The following CEMIP variants were observed in gnomAD, a reference collection of about 807,000 sequenced individuals.
CEMIP encodes cell migration-inducing and hyaluronan-binding protein.
Under a neutral mutation model 156.9 loss-of-function variants are expected in CEMIP, and 105 were observed. That is an observed-to-expected ratio of 0.67 (90% CI 0.57 to 0.79). CEMIP has a LOEUF of 0.79. Among genes scored for constraint, CEMIP ranks in the 30% least tolerant of loss-of-function variants. The pLI is 0.00. For missense variants in CEMIP, 1,457 were observed against 1,769.4 expected (o/e 0.82, Z 3.17); for synonymous variants, 676 against 668.4 (o/e 1.01, Z -0.17).
At chr15:80,938,372 C>T (rs1396307025) in intron 25 of CEMIP, among the ~76,000 whole-genome samples, 4 of 151,964 alleles carry the variant, frequency 2.6e-5, no homozygotes, top group Admixed American at 2.6e-4. Flanking sequence ...TTTGGGAGGC[C>T]GAGGTGGGTG....
At chr15:80,904,977 A>C (rs990457325) in intron 12 of CEMIP, among the ~76,000 whole-genome samples, 2 of 152,164 alleles carry the variant, frequency 1.3e-5, no homozygotes, top group Non-Finnish European at 2.9e-5. Context: ...TTCAAAAAAA[A>C]CCCCACAATC....
intron 1 of CEMIP, among the ~76,000 whole-genome samples, chr15:80,807,009 T>C (rs1029204634): frequency 6.6e-6 from 1 of 152,124 alleles, no homozygotes; most frequent in Non-Finnish European, 1.5e-5. Context: ...ACACAAGAAA[T>C]AGTGCATGGA....
chr15:80,907,333 C>T (rs573662981), intron 13 of CEMIP, among the ~76,000 whole-genome samples: 10 of 152,326 alleles, frequency 6.6e-5, no homozygotes, highest in South Asian at 4.1e-4. Flanking sequence ...GGAGCCAAGG[C>T]GGGTGGATCA....
At chr15:80,941,255 A>G (rs987679172) in intron 25 of CEMIP, among the ~76,000 whole-genome samples, 2 of 152,212 alleles carry the variant, frequency 1.3e-5, no homozygotes, top group African/African-American at 4.8e-5. Flanking sequence ...GCACTAAAAG[A>G]ACAATAATGA....
chr15:80,877,817 G>A (rs1051437845), intron 3 of CEMIP, among the ~76,000 whole-genome samples: 12 of 152,232 alleles, frequency 7.9e-5, no homozygotes, highest in African/African-American at 2.7e-4. Flanking sequence ...GTGACCACAT[G>A]TCACACTGGT....
intron 14 of CEMIP, among the ~76,000 whole-genome samples, chr15:80,910,107 G>A (rs965005814): frequency 6.6e-5 from 10 of 152,182 alleles, no homozygotes; most frequent in Non-Finnish European, 1.5e-5. Context: ...CCAGCTACAC[G>A]ATGTGTTTTG....
chr15:80,865,091 GTGA>G, intron 1 of CEMIP, among the ~76,000 whole-genome samples: 1 of 152,330 alleles, frequency 6.6e-6, no homozygotes, highest in South Asian at 2.1e-4. Context: ...TCCTCAACCT[GTGA>G]TGTCCAATGT....
intron 12 of CEMIP, 180 bp downstream of exon 12, chr15:80,896,240 G>A (rs538920031): frequency 5.4e-6 from 4 of 736,446 alleles, no homozygotes; most frequent in African/African-American, 1.7e-5. Context: ...TCTGCAGGTT[G>A]TCTAGGGATC....
rs749792234 is a variant in CEMIP, at chr15:80,948,949, T to C, written c.*25T>C. On this transcript the variant is annotated 3_prime_UTR_variant, in exon 30 of 30. Coordinates refer to ENST00000394685, the MANE Select transcript of CEMIP (RefSeq NM_001293298.2). Reference sequence around the variant, plus strand: ...AGGACAGCTGCCGCCCGGTGCCACCTCGTGGTAGACTATGACGGTGACTCT... The same window carrying C: ...AGGACAGCTGCCGCCCGGTGCCACCCCGTGGTAGACTATGACGGTGACTCT... 3.1e-6 allele frequency: 5 copies of C among 1,613,928 alleles called. No individual in the cohort carries two copies. The highest frequency in any genetic ancestry group is 4.2e-6 in the Non-Finnish European group (5 of 1,179,934).
In CEMIP at chr15:80,937,883, C is replaced by T. The variant is rs376164357; in HGVS notation, c.3311C>T (p.Thr1104Met). Reference sequence around the variant, plus strand: ...GTTCACAATCGCCTGCTGAAGCAAACGTCCAAGACGGGCGTCTTCGTGAGG... The same window carrying T: ...GTTCACAATCGCCTGCTGAAGCAAATGTCCAAGACGGGCGTCTTCGTGAGG... The part of the protein sequence containing the change: ...SDVHNRLLKQ[T>M]SKTGVFVRTL... The change falls in exon 25 of 30, where the codon ACG becomes ATG. Residue 1104 changes from threonine (T) to methionine (M), a missense_variant. Physicochemically the swap from Thr to Met is moderately conservative, Grantham distance 81. This residue lies in a region of CEMIP where 798 missense variants were observed against 980.1 expected (regional missense o/e 0.81). Coordinates refer to ENST00000394685, the MANE Select transcript of CEMIP (RefSeq NM_001293298.2). 20 of 1,614,104 alleles carry T rather than the reference C, an allele frequency of 1.2e-5. No homozygotes were observed. Among genetic ancestry groups the T allele is most frequent in the Non-Finnish European group, 1.4e-5 (17 of 1,180,036 alleles).
At chr15:80,824,088 G>A (rs901400171) in intron 1 of CEMIP, among the ~76,000 whole-genome samples, 33 of 152,172 alleles carry the variant, frequency 2.2e-4, no homozygotes, top group Admixed American at 6.5e-4. Flanking sequence ...CTTTAGCCTG[G>A]GACAGCAATT....
At chr15:80,833,330 C>A (rs926905745) in intron 1 of CEMIP, among the ~76,000 whole-genome samples, 1 of 152,124 alleles carries the variant, frequency 6.6e-6, no homozygotes, top group Admixed American at 6.5e-5. Flanking sequence ...TTGCACCCAA[C>A]CCCTGTAGGC....
chr15:80,804,466 G>T (rs529791513), intron 1 of CEMIP, among the ~76,000 whole-genome samples: 2 of 152,288 alleles, frequency 1.3e-5, no homozygotes, highest in South Asian at 4.1e-4. Context: ...ATACCATGTG[G>T]CCATGTGACC....
rs539409906 is a variant in CEMIP at position 80,936,587 on chromosome 15, C to T, written c.3010-87C>T. 1.1e-4 allele frequency: 130 copies of T among 1,173,974 alleles called. 2 individuals are homozygous for T. In the South Asian group the frequency reaches 1.4e-3, roughly 13 times the overall value. 72.7% of individuals were successfully genotyped at this position (1,173,974 alleles called of 1,614,324 possible). ...TAAAGAGAAAGTGCCTTTGAAAGTGCGGTCTATAGTCAGATGTTAGCCAGA... is the reference window on the plus strand; with the variant it reads ...TAAAGAGAAAGTGCCTTTGAAAGTGTGGTCTATAGTCAGATGTTAGCCAGA... On this transcript the variant is annotated intron_variant, in intron 23 of 29. Coordinates refer to ENST00000394685, the MANE Select transcript of CEMIP (RefSeq NM_001293298.2).
intron 14 of CEMIP, among the ~76,000 whole-genome samples, chr15:80,914,351 C>T (rs527720790): frequency 3.3e-5 from 5 of 152,246 alleles, no homozygotes; most frequent in South Asian, 2.1e-4. Context: ...CCTTCTTTTC[C>T]TCCTCGTGTA....
chr15:80,915,343 C>T (rs191562218), intron 14 of CEMIP, among the ~76,000 whole-genome samples: 12 of 152,334 alleles, frequency 7.9e-5, no homozygotes, highest in East Asian at 3.9e-4. Flanking sequence ...GTCTGGCCTA[C>T]GCCCAGGAAT....
At chr15:80,874,306 C>G (rs572523320) in intron 3 of CEMIP, among the ~76,000 whole-genome samples, 42 of 152,368 alleles carry the variant, frequency 2.8e-4, no homozygotes, top group African/African-American at 9.9e-4. Flanking sequence ...AAGGGAAACA[C>G]TGTTCTCACT....
intron 25 of CEMIP, among the ~76,000 whole-genome samples, chr15:80,941,500 C>G (rs1474730688): frequency 6.6e-6 from 1 of 152,266 alleles, no homozygotes; most frequent in South Asian, 2.1e-4. Context: ...CGAGTCACTT[C>G]ACTTCTCTGA....
chr15:80,820,101 G>T (rs2141650961), intron 1 of CEMIP, among the ~76,000 whole-genome samples: 1 of 152,296 alleles, frequency 6.6e-6, no homozygotes, highest in East Asian at 1.9e-4. Context: ...GACTGTTCCA[G>T]AATTCCGTGG....
Sources: allele counts gnomAD v4.1 joint callset (sites outside exome capture counted in the v4.1 genomes callset), GRCh38; gene constraint gnomAD v4.1.1; regional missense constraint gnomAD v4.1.1; transcripts MANE v1.5; gene names NCBI Gene and HGNC (gene_info 2026-07-23, HGNC 2026-07-21).